The following DEUP1 variants were observed in gnomAD, a reference collection of about 807,000 sequenced individuals.
The protein encoded by DEUP1 is coiled-coil domain containing 67.
Under a neutral mutation model 87.4 loss-of-function variants are expected in DEUP1, and 82 were observed. The ratio of observed to expected loss-of-function variants is 0.94; its 90% CI spans 0.78 to 1.13. The LOEUF (loss-of-function observed/expected upper bound fraction) is 1.13. DEUP1 is among the 50% of genes most tolerant of loss of function. The pLI, the probability that DEUP1 is intolerant of heterozygous loss-of-function variation, is 0.00. For missense variants in DEUP1, 663 were observed against 681.5 expected, an observed-to-expected ratio of 0.97 and a Z score of 0.30; for synonymous variants, 214 against 222.7, an observed-to-expected ratio of 0.96 and a Z score of 0.35.
chr11:93,430,424 G>A (rs537396458), intron 13 of DEUP1, among the ~76,000 whole-genome samples: 29 of 152,174 alleles, frequency 1.9e-4, no homozygotes, highest in Admixed American at 1.8e-3. Flanking sequence ...GCCAAAAAAG[G>A]CCAAAAATTA....
intron 4 of DEUP1, among the ~76,000 whole-genome samples, chr11:93,361,825 C>T (rs1945190056): frequency 6.6e-6 from 1 of 151,942 alleles, no homozygotes; most frequent in Non-Finnish European, 1.5e-5. Context: ...AACTGAAAGA[C>T]AGAGATTGAC....
In DEUP1 at chr11:93,355,550, A is replaced by C; in HGVS notation, c.201+8A>C. The C allele has an allele frequency of 6.2e-7, 1 of 1,600,658 alleles. No homozygotes were observed. The highest frequency in any genetic ancestry group is 8.5e-7 in the Non-Finnish European group (1 of 1,173,232). ...GATCAGAAAGGTCAAGAGGTACTGA[A>C]TACATATGTTAACAAATTGCTAATT... On this transcript the variant is annotated splice_region_variant and intron_variant, in intron 3 of 13. Transcript: ENST00000298050.
rs570939697 is a variant in DEUP1, at chr11:93,435,545, T to C, written c.1639-1998T>C. ...AGGGTCTGCAACACAGCTTTCCCGA[T>C]GAAACTTGCCAGAGGCTCCACAAGG... On this transcript the variant is annotated intron_variant, in intron 13 of 13. Transcript: ENST00000298050. 1.8e-4 allele frequency among the ~76,000 whole-genome samples: 27 copies of C among 152,302 alleles called. No individual in the cohort carries two copies. In the South Asian group the frequency reaches 5.6e-3, roughly 32 times the overall value.
Position 93,331,334 on chromosome 11 carries a change from T to C in DEUP1, c.-45+562T>C, listed in dbSNP as rs181158297. Among the ~76,000 whole-genome samples the C allele has an allele frequency of 2.4e-3, 366 of 152,152 alleles. 2 individuals are homozygous for C. The highest frequency in any genetic ancestry group is 0.01 in the Middle Eastern group (3 of 294). ...TTTCTCCAGTTATCGTCATAGATTA[T>C]TTTTTAACTAAAATTGTGTTACTGA... On this transcript the variant is annotated intron_variant, in intron 1 of 13. Coordinates refer to ENST00000298050, the MANE Select transcript of DEUP1 (RefSeq NM_181645.4).
rs556058429 is a variant in DEUP1 at position 93,428,501 on chromosome 11, C to T, written c.1639-9042C>T. On this transcript the variant is annotated intron_variant, in intron 13 of 13. Transcript: ENST00000298050. ...AGGAGATATACCTAATGCTAAATGACGAGTTAATGGGTGCAGCACACCAAC... is the reference window on the plus strand; with the variant it reads ...AGGAGATATACCTAATGCTAAATGATGAGTTAATGGGTGCAGCACACCAAC... Among the ~76,000 whole-genome samples the T allele has an allele frequency of 4.8e-3, 725 of 151,808 alleles. 6 individuals are homozygous for T. The highest frequency in any genetic ancestry group is 0.037 in the Middle Eastern group (11 of 294).
chr11:93,386,726 G>A (rs1413407350), intron 8 of DEUP1, among the ~76,000 whole-genome samples: 6 of 152,060 alleles, frequency 3.9e-5, no homozygotes, highest in Non-Finnish European at 7.4e-5. Flanking sequence ...CTGCATTATC[G>A]AATGCTCTGT....
intron 11 of DEUP1, among the ~76,000 whole-genome samples, chr11:93,399,325 G>A (rs1947043905): frequency 6.6e-6 from 1 of 151,636 alleles, no homozygotes; most frequent in South Asian, 2.1e-4. Context: ...ATTAAGCTCA[G>A]TTTATTTAGT....
intron 11 of DEUP1, among the ~76,000 whole-genome samples, chr11:93,407,166 A>G (rs1047650880): frequency 3.3e-5 from 5 of 152,072 alleles, no homozygotes; most frequent in Non-Finnish European, 7.4e-5. Flanking sequence ...AATATAGAAC[A>G]AGATTTATGT....
intron 7 of DEUP1, among the ~76,000 whole-genome samples, chr11:93,380,683 G>A (rs769950945): frequency 4.6e-5 from 7 of 152,060 alleles, no homozygotes; most frequent in Non-Finnish European, 7.4e-5. Context: ...GATTACAGGA[G>A]TGAGCCACCG....
intron 11 of DEUP1, among the ~76,000 whole-genome samples, chr11:93,405,771 AT>A (rs1947254555): frequency 6.6e-6 from 1 of 151,920 alleles, no homozygotes; most frequent in Non-Finnish European, 1.5e-5. Context: ...ACTTAGGATG[AT>A]TTTATGGGAT....
chr11:93,347,017 A>G (rs1004538858), intron 2 of DEUP1, among the ~76,000 whole-genome samples: 3 of 152,110 alleles, frequency 2.0e-5, no homozygotes, highest in Admixed American at 6.6e-5. Flanking sequence ...CTCTCTTCCT[A>G]TTTGGATGCC....
In DEUP1 at chr11:93,370,148, C is replaced by G; in HGVS notation, c.508C>G (p.Gln170Glu). 1.3e-6 allele frequency: 2 copies of G among 1,597,948 alleles called. No individual in the cohort carries two copies. The highest frequency in any genetic ancestry group is 1.7e-6 in the Non-Finnish European group (2 of 1,167,962). The change falls in exon 6 of 14, where the codon CAA (glutamine) becomes GAA (glutamate). Residue 170 changes from glutamine (Q) to glutamate (E), a missense_variant. Transcript: ENST00000298050. ...GACTCATCTGATTTCTTTAGATGCT[C>G]AACAAAAATTATTATCTGAGAAGTG... is the stretch of plus-strand genomic sequence containing the variant. ...YQTHLISLDA[Q>E]QKLLSEKCNQ... is the part of the protein sequence containing the mutation.
intron 9 of DEUP1, among the ~76,000 whole-genome samples, chr11:93,390,202 A>G (rs994273670): frequency 6.6e-6 from 1 of 152,244 alleles, no homozygotes; most frequent in Non-Finnish European, 1.5e-5. Context: ...TGCTTGACAC[A>G]CAGTAAATTA....
chr11:93,392,774 C>A lies in DEUP1; in HGVS notation c.1042-1685C>A, dbSNP rs1279850134. 2.6e-5 allele frequency among the ~76,000 whole-genome samples: 4 copies of A among 151,990 alleles called. No individual in the cohort carries two copies. The East Asian group carries it at 7.7e-4, about 29-fold the overall frequency. ...TTAAAAAAGTGCCCTGGAGAAAATT[C>A]ATGTTTCTTTTGTGGCTAGCCTCTA... On this transcript the variant is annotated intron_variant, in intron 9 of 13. Transcript: ENST00000298050.
chr11:93,381,912 CT>C (rs1591189024), intron 7 of DEUP1, among the ~76,000 whole-genome samples: 1 of 152,076 alleles, frequency 6.6e-6, no homozygotes, highest in Non-Finnish European at 1.5e-5. Flanking sequence ...GAGGTTTTTA[CT>C]TTTTTTCATA....
At chr11:93,416,243 G>C (rs181325905) in intron 13 of DEUP1, among the ~76,000 whole-genome samples, 1,616 of 152,170 alleles carry the variant, frequency 0.011, 20 homozygotes, top group South Asian at 0.084. Flanking sequence ...GAATCCAGGA[G>C]CTTGTTTTTT....
At chr11:93,435,757 G>A (rs1948224135) in intron 13 of DEUP1, among the ~76,000 whole-genome samples, 1 of 152,116 alleles carries the variant, frequency 6.6e-6, no homozygotes. Flanking sequence ...AGCACTTTGG[G>A]AGGCCGAGGA....
In DEUP1 at chr11:93,364,344, A is replaced by G. The variant is rs552278016; in HGVS notation, c.432+50A>G. The stretch of plus-strand genomic sequence containing the variant: ...TCATGTGTATTAAAGATTGATTCCT[A>G]TTGTTGTGGGCTATTTGTCTCTAGT... On this transcript the variant is annotated intron_variant, in intron 5 of 13. Coordinates refer to ENST00000298050, the MANE Select transcript of DEUP1 (RefSeq NM_181645.4). The G allele has an allele frequency of 1.1e-5, 17 of 1,527,234 alleles. No homozygotes were observed. The East Asian group carries it at 2.5e-4, about 22-fold the overall frequency. 94.6% of individuals were successfully genotyped at this position (1,527,234 alleles called of 1,614,324 possible). A position where few individuals can be genotyped will look rare whatever the true frequency, so the allele number is the denominator to read the frequency against.
intron 11 of DEUP1, among the ~76,000 whole-genome samples, chr11:93,398,716 G>A (rs536888491): frequency 6.8e-6 from 1 of 146,822 alleles, no homozygotes; most frequent in Non-Finnish European, 1.5e-5. Flanking sequence ...TCTTTTTCAT[G>A]TCAAATTTTT....
Sources: allele counts gnomAD v4.1 joint callset (sites outside exome capture counted in the v4.1 genomes callset), GRCh38; gene constraint gnomAD v4.1.1; transcripts MANE v1.5; gene names NCBI Gene and HGNC (gene_info 2026-07-23, HGNC 2026-07-21).